FUT6: variants seen among roughly 807,000 people sequenced by gnomAD.
FUT6 encodes 4-galactosyl-N-acetylglucosaminide 3-alpha-L-fucosyltransferase FUT6.
For missense variants in FUT6, 454 were observed against 494.6 expected (o/e 0.92, Z 0.78); for synonymous variants, 187 against 209.9 (o/e 0.89, Z 0.94).
In FUT6 at chr19:5,839,650, C is replaced by T. The variant is rs2057225046; in HGVS notation, c.-1114G>A. ...AGCCACTTCCTTTCCCCACCCACTCCTGCAGGGCAGTGCAAAGCAGAAGTC... is the reference window on the plus strand; with the variant it reads ...AGCCACTTCCTTTCCCCACCCACTCTTGCAGGGCAGTGCAAAGCAGAAGTC... On this transcript the variant is annotated 5_prime_UTR_variant, in exon 1 of 3. Transcript: ENST00000318336. 1 of 152,292 alleles carries T rather than the reference C, an allele frequency of 6.6e-6. No individual in the cohort carries two copies. The highest frequency in any genetic ancestry group is 6.5e-5 in the Admixed American group (1 of 15,272). 9.4% of individuals were successfully genotyped at this position (152,292 alleles called of 1,614,324 possible).
In FUT6 at chr19:5,836,823, C is replaced by T. The variant is rs2057186599; in HGVS notation, c.-140-1746G>A. Among the ~76,000 whole-genome samples the T allele has an allele frequency of 4.0e-5, 6 of 151,554 alleles. No individual in the cohort carries two copies. The South Asian group carries it at 1.2e-3, about 32-fold the overall frequency. ...TTGCACTATTGCACTTCTGCTTAGA[C>T]AATAGAATGAGACCGTGTCTCAAAA... On this transcript the variant is annotated intron_variant, in intron 1 of 2. Coordinates refer to ENST00000318336, the MANE Select transcript of FUT6 (RefSeq NM_000150.4).
chr19:5,834,137 GAA>G (rs11305548), intron 2 of FUT6, among the ~76,000 whole-genome samples: 1 of 148,230 alleles, frequency 6.7e-6, no homozygotes, highest in Non-Finnish European at 1.5e-5. Context: ...GTCTCAAAAA[GAA>G]AAAAAAAAGA....
chr19:5,832,264 C>A lies in FUT6; in HGVS notation c.304G>T (p.Ala102Ser). 1 of 1,613,828 alleles carries A rather than the reference C, an allele frequency of 6.2e-7. No homozygotes were observed. The highest frequency in any genetic ancestry group is 8.5e-7 in the Non-Finnish European group (1 of 1,180,000). Reference sequence around the variant, plus strand: ...CGGTGGTGCACGATGACCGCGTCTGCCTGTGGATACACCTTGCGGTCGGCA... The same window carrying A: ...CGGTGGTGCACGATGACCGCGTCTGACTGTGGATACACCTTGCGGTCGGCA... Reference protein sequence around the residue: ...ITADRKVYPQADAVIVHHREV... With the variant: ...ITADRKVYPQSDAVIVHHREV... Residue 102 changes from alanine (A) to serine (S), a missense_variant, in exon 3 of 3, where the codon GCA (alanine) becomes TCA (serine). Physicochemically the swap from Ala to Ser is moderately conservative, Grantham distance 99 (BLOSUM62 1). Coordinates refer to ENST00000318336, the MANE Select transcript of FUT6 (RefSeq NM_000150.4). This position sits in a 1 kb window ranked among gnomAD's most constrained non-coding sequence, Gnocchi z 4.3.
chr19:5,836,845 A>AAAAT (rs145275499), intron 1 of FUT6, among the ~76,000 whole-genome samples: 5 of 151,122 alleles, frequency 3.3e-5, no homozygotes, highest in East Asian at 2.0e-4. Context: ...ACCGTGTCTC[A>AAAAT]AAATAAATAA....
At chr19:5,833,591 C>T (rs2057137977) in intron 2 of FUT6, among the ~76,000 whole-genome samples, 1 of 142,902 alleles carries the variant, frequency 7.0e-6, no homozygotes, top group South Asian at 2.2e-4. Context: ...GTCAGGAGTT[C>T]GAGGCCAGCC....
rs1237916722 is a variant in FUT6 at position 5,832,183 on chromosome 19, GC to G, written c.384del (p.Gln129SerfsTer17). The G allele has an allele frequency of 3.1e-6, 5 of 1,613,900 alleles. No individual in the cohort carries two copies. In the East Asian group the frequency reaches 1.1e-4, roughly 36 times the overall value. ...AQLPRSPRRQ[G>X]QRWIWFSMES... is the part of the protein sequence containing the mutation. ...TCCATGCTGAACCAGATCCATCGCT[GC>G]CCCTGCCGCCTCGGGGAGCGTGGGA... is the stretch of plus-strand genomic sequence containing the variant. On this transcript the variant is annotated frameshift_variant, in exon 3 of 3. Transcript: ENST00000318336. LOFTEE classifies it low-confidence loss of function (END_TRUNC). The surrounding 1 kb of genome is among the most constrained non-coding windows in gnomAD (Gnocchi z 4.3).
chr19:5,839,093 G>T lies in FUT6; in HGVS notation c.-557C>A, dbSNP rs546817300. ...TTCCTTGGGAGGTGGGAATGAGGAA[G>T]TGAGCAGAATTTCTACCTTTCCGCT... On this transcript the variant is annotated 5_prime_UTR_variant, in exon 1 of 3. Transcript: ENST00000318336. 5 of 152,284 alleles carry T rather than the reference G, an allele frequency of 3.3e-5. No homozygotes were observed. The East Asian group carries it at 9.6e-4, about 29-fold the overall frequency. The allele number at this position is 152,284 out of a possible 1,614,324, so 9.4% of individuals were successfully genotyped here. A position where few individuals can be genotyped will look rare whatever the true frequency, so the allele number is the denominator to read the frequency against.
intron 1 of FUT6, among the ~76,000 whole-genome samples, chr19:5,837,692 G>A (rs2057199082): frequency 6.6e-6 from 1 of 152,116 alleles, no homozygotes; most frequent in Non-Finnish European, 1.5e-5. Flanking sequence ...TGTGAACCCG[G>A]GAGGCGGAGC....
intron 1 of FUT6, chr19:5,838,081 C>CTCT (rs1288504502): frequency 2.0e-5 from 3 of 152,050 alleles, no homozygotes; most frequent in African/African-American, 7.3e-5. Context: ...TTATGGCGAC[C>CTCT]TCTTCCTAGG....
At chr19:5,835,871 C>G (rs922052394) in intron 1 of FUT6, among the ~76,000 whole-genome samples, 1 of 152,120 alleles carries the variant, frequency 6.6e-6, no homozygotes, top group Admixed American at 6.6e-5. Flanking sequence ...ACCATGCTGT[C>G]GGAAAAACAG....
chr19:5,837,698 G>A (rs1373136628), intron 1 of FUT6, among the ~76,000 whole-genome samples: 1 of 152,060 alleles, frequency 6.6e-6, no homozygotes. Context: ...CCCGGGAGGC[G>A]GAGCTTGCAG....
chr19:5,832,319 C>T lies in FUT6; in HGVS notation c.249G>A (p.Met83Ile), dbSNP rs758174298. Residue 83 changes from methionine (M) to isoleucine (I), a missense_variant, in exon 3 of 3, where the codon ATG becomes ATA. Met to Ile is a conservative substitution (Grantham distance 10). Coordinates refer to ENST00000318336, the MANE Select transcript of FUT6 (RefSeq NM_000150.4). The surrounding 1 kb of genome is among the most constrained non-coding windows in gnomAD (Gnocchi z 4.3). ...KPIALPRCSE[M>I]VPGTADCNIT... ...TGTTGCAGTCAGCCGTGCCAGGCAC[C>T]ATCTCTGAGCAGCGGGGCAGAGCTA... 6.2e-7 allele frequency: 1 copy of T among 1,614,026 alleles called. No individual in the cohort carries two copies. Among genetic ancestry groups the T allele is most frequent in the Admixed American group, 1.7e-5 (1 of 60,002 alleles).
rs1960111 is a variant in FUT6, at chr19:5,831,839, A to G, written c.729T>C (p.Tyr243=). 2.7e-3 allele frequency: 4,366 copies of G among 1,613,650 alleles called. 87 individuals are homozygous for G. In the African/African-American group the frequency reaches 0.048, roughly 18 times the overall value. ...GGTGCAAGGAGTTCTCGAAGGCCAG[A>G]TAGAACTTGTACCGGGACAGCGTCT... ...MMETLSRYKF[Y]LAFENSLHPD... The change falls in exon 3 of 3, where the codon TAT becomes TAC. Residue 243 remains tyrosine, a synonymous_variant. Transcript: ENST00000318336. The surrounding 1 kb of genome is among the most constrained non-coding windows in gnomAD (Gnocchi z 7.0).
intron 2 of FUT6, among the ~76,000 whole-genome samples, chr19:5,833,416 G>A (rs182076858): frequency 6.5e-4 from 98 of 151,750 alleles, no homozygotes; most frequent in African/African-American, 2.3e-3. Context: ...TTGAACCTGG[G>A]GGGTGGAGGT....
Position 5,831,314 on chromosome 19 carries a change from C to A in FUT6, c.*174G>T. 1.3e-6 allele frequency: 2 copies of A among 1,493,566 alleles called. No individual in the cohort carries two copies. Among genetic ancestry groups the A allele is most frequent in the African/African-American group, 1.4e-5 (1 of 72,710 alleles). 92.5% of individuals were successfully genotyped at this position (1,493,566 alleles called of 1,614,324 possible). A position where few individuals can be genotyped will look rare whatever the true frequency, so the allele number is the denominator to read the frequency against. Reference sequence around the variant, plus strand: ...GGTGAGGCCCCAGGAAAGTGAGGACCCAGGTAGGTGAATCCCCAGGCAGGT... The same window carrying A: ...GGTGAGGCCCCAGGAAAGTGAGGACACAGGTAGGTGAATCCCCAGGCAGGT... On this transcript the variant is annotated 3_prime_UTR_variant, in exon 3 of 3. Coordinates refer to ENST00000318336, the MANE Select transcript of FUT6 (RefSeq NM_000150.4). The surrounding 1 kb of genome is among the most constrained non-coding windows in gnomAD (Gnocchi z 7.0).
intron 2 of FUT6, 68 bp downstream of exon 2, chr19:5,834,882 G>A (rs1399790081): frequency 6.6e-6 from 1 of 152,242 alleles, no homozygotes; most frequent in Non-Finnish European, 1.5e-5. Context: ...GGGAAACCGG[G>A]GCCACCTTTT....
At position 5,832,666 on chromosome 19, in the gene FUT6, GTTA is replaced by G; in HGVS notation, c.-12-90_-12-88del. On this transcript the variant is annotated intron_variant, in intron 2 of 2. Coordinates refer to ENST00000318336, the MANE Select transcript of FUT6 (RefSeq NM_000150.4). This position sits in a 1 kb window ranked among gnomAD's most constrained non-coding sequence, Gnocchi z 4.3. The stretch of plus-strand genomic sequence containing the variant: ...CAGGCCATGAGTCCTGAGAAGAGCT[GTTA>G]TTATTCCTGTTACACAGATGAGAAA... 2 of 1,016,302 alleles carry G rather than the reference GTTA, an allele frequency of 2.0e-6. No individual in the cohort carries two copies. The highest frequency in any genetic ancestry group is 3.1e-6 in the Non-Finnish European group (2 of 655,386). 63.0% of individuals were successfully genotyped at this position (1,016,302 alleles called of 1,614,324 possible).
rs770214711 is a variant in FUT6, at chr19:5,832,280, G to T, written c.288C>A (p.Arg96=). ...CCGCGTCTGCCTGTGGATACACCTT[G>T]CGGTCGGCAGTGATGTTGCAGTCAG... The part of the protein sequence containing the change: ...GTADCNITAD[R]KVYPQADAVI... The change falls in exon 3 of 3, where the codon CGC becomes CGA. Residue 96 remains arginine, a synonymous_variant. Coordinates refer to ENST00000318336, the MANE Select transcript of FUT6 (RefSeq NM_000150.4). The surrounding 1 kb of genome is among the most constrained non-coding windows in gnomAD (Gnocchi z 4.3). The T allele has an allele frequency of 6.2e-7, 1 of 1,613,994 alleles. No individual in the cohort carries two copies.
At position 5,839,276 on chromosome 19, in the gene FUT6, C is replaced by T. The variant is rs888675643; in HGVS notation, c.-740G>A. 1 of 152,228 alleles carries T rather than the reference C, an allele frequency of 6.6e-6. No individual in the cohort carries two copies. Among genetic ancestry groups the T allele is most frequent in the South Asian group, 2.1e-4 (1 of 4,830 alleles). The allele number at this position is 152,228 out of a possible 1,614,324, so 9.4% of individuals were successfully genotyped here. On this transcript the variant is annotated 5_prime_UTR_variant, in exon 1 of 3. Coordinates refer to ENST00000318336, the MANE Select transcript of FUT6 (RefSeq NM_000150.4). ...GAACTTTCTTCAATTAAAATTGCAGCCTTTTGAATAAAAAAGGGATGGAAG... is the reference window on the plus strand; with the variant it reads ...GAACTTTCTTCAATTAAAATTGCAGTCTTTTGAATAAAAAAGGGATGGAAG...
Sources: gnomAD v4.1 joint callset for allele counts (sites outside exome capture counted in the v4.1 genomes callset) on GRCh38, gnomAD v4.1.1 for gene constraint, Gnocchi (gnomAD v3.1) non-coding constraint, MANE v1.5 for transcripts, NCBI Gene and HGNC (gene_info 2026-07-23, HGNC 2026-07-21) for gene names.